The following SDCCAG8 variants were observed in gnomAD, a reference collection of about 807,000 sequenced individuals.
SDCCAG8 encodes the protein serologically defined colon cancer antigen 8.
Under a neutral mutation model 101.8 loss-of-function variants are expected in SDCCAG8, and 74 were observed. The observed-to-expected ratio is 0.73, with a 90% confidence interval of 0.60 to 0.88. The LOEUF (loss-of-function observed/expected upper bound fraction) is 0.88, where lower values mean the gene tolerates loss of function less well. Among genes scored for constraint, SDCCAG8 ranks in the 40% least tolerant of loss-of-function variants. SDCCAG8 has a pLI of 0.00. For missense variants in SDCCAG8, 787 were observed against 822.6 expected (o/e 0.96, Z 0.53); for synonymous variants, 281 against 292.9 (o/e 0.96, Z 0.41).
chr1:243,435,101 C>T (rs1277282973), intron 16 of SDCCAG8, among the ~76,000 whole-genome samples: 1 of 152,208 alleles, frequency 6.6e-6, no homozygotes, highest in Non-Finnish European at 1.5e-5. Context: ...GACACGTAGA[C>T]AGCCTTGTCC....
Position 243,439,882 on chromosome 1 carries a change from G to A in SDCCAG8, c.1985+13324G>A, listed in dbSNP as rs2082414304. Among the ~76,000 whole-genome samples, 5 of 152,196 alleles carry A rather than the reference G, an allele frequency of 3.3e-5. No homozygotes were observed. The South Asian group carries it at 1.0e-3, about 31-fold the overall frequency. ...CCTCTCAGCGGGGCTTGGACTACAA[G>A]TGACAGTGTTTGTTACATCTAAGTC... On this transcript the variant is annotated intron_variant, in intron 16 of 17. Transcript: ENST00000366541.
chr1:243,283,764 G>T (rs1009836475), intron 4 of SDCCAG8, among the ~76,000 whole-genome samples: 1 of 151,730 alleles, frequency 6.6e-6, no homozygotes, highest in Non-Finnish European at 1.5e-5. Flanking sequence ...ATTTTGAGAC[G>T]GAGTCTCACT....
chr1:243,332,345 T>G (rs543598578), intron 10 of SDCCAG8, among the ~76,000 whole-genome samples: 1 of 152,342 alleles, frequency 6.6e-6, no homozygotes, highest in South Asian at 2.1e-4. Context: ...CATTTATATT[T>G]GAGAAAAATC....
chr1:243,455,990 A>G (rs2083715007), intron 16 of SDCCAG8, among the ~76,000 whole-genome samples: 1 of 152,192 alleles, frequency 6.6e-6, no homozygotes, highest in African/African-American at 2.4e-5. Context: ...GACCGAAGGG[A>G]TGCGTGTTGC....
At chr1:243,443,181 A>T (rs2082659790) in intron 16 of SDCCAG8, among the ~76,000 whole-genome samples, 1 of 152,176 alleles carries the variant, frequency 6.6e-6, no homozygotes, top group African/African-American at 2.4e-5. Context: ...TGCATGTTTG[A>T]TAAGCAGTGT....
chr1:243,281,074 A>G (rs961809386), intron 4 of SDCCAG8, among the ~76,000 whole-genome samples: 7 of 152,150 alleles, frequency 4.6e-5, no homozygotes, highest in Non-Finnish European at 7.3e-5. Context: ...CATATACATT[A>G]AGACTTGTAA....
At chr1:243,353,554 A>G (rs541935473) in intron 12 of SDCCAG8, among the ~76,000 whole-genome samples, 1 of 149,164 alleles carries the variant, frequency 6.7e-6, no homozygotes, top group Non-Finnish European at 1.5e-5. Context: ...AGAAGAAGAA[A>G]TTTATTTGGT....
chr1:243,475,956 C>G (rs1223173119), intron 16 of SDCCAG8: 1 of 985,354 alleles, frequency 1.0e-6, no homozygotes, highest in African/African-American at 1.7e-5. Flanking sequence ...CAGGCTCCAT[C>G]TCGTCTGCTG....
intron 13 of SDCCAG8, among the ~76,000 whole-genome samples, chr1:243,384,004 A>G (rs559957993): frequency 1.1e-3 from 172 of 152,018 alleles, no homozygotes; most frequent in Non-Finnish European, 1.9e-3. Flanking sequence ...AGGCCTCCCC[A>G]TTGATTCTTG....
At chr1:243,434,602 A>G (rs2082015072) in intron 16 of SDCCAG8, among the ~76,000 whole-genome samples, 2 of 152,264 alleles carry the variant, frequency 1.3e-5, no homozygotes, top group Non-Finnish European at 2.9e-5. Flanking sequence ...ATCGAATACT[A>G]GAAATCACAT....
chr1:243,325,754 A>ATT, intron 9 of SDCCAG8, among the ~76,000 whole-genome samples: 1 of 152,228 alleles, frequency 6.6e-6, no homozygotes, highest in Non-Finnish European at 1.5e-5. Context: ...AGTGATAAGA[A>ATT]CCAATTAAAA....
chr1:243,409,392 AT>A (rs1408437509), intron 13 of SDCCAG8, among the ~76,000 whole-genome samples: 1 of 152,176 alleles, frequency 6.6e-6, no homozygotes, highest in African/African-American at 2.4e-5. Context: ...ACAGACAAAT[AT>A]TTATATTTAT....
intron 16 of SDCCAG8, among the ~76,000 whole-genome samples, chr1:243,431,805 C>T (rs1370906212): frequency 6.6e-6 from 1 of 152,146 alleles, no homozygotes; most frequent in Non-Finnish European, 1.5e-5. Flanking sequence ...CTCATCTGGG[C>T]GTTCACTGTC....
chr1:243,320,112 T>C (rs1242355236), intron 9 of SDCCAG8, among the ~76,000 whole-genome samples: 2 of 152,226 alleles, frequency 1.3e-5, no homozygotes, highest in African/African-American at 4.8e-5. Flanking sequence ...ATGGCACTTT[T>C]ACTCACTAAC....
At chr1:243,279,979 ATTTC>A (rs1263530906) in intron 4 of SDCCAG8, among the ~76,000 whole-genome samples, 1 of 152,148 alleles carries the variant, frequency 6.6e-6, no homozygotes, top group Non-Finnish European at 1.5e-5. Flanking sequence ...AATTGGTATA[ATTTC>A]TTTCTTAAAT....
chr1:243,268,275 C>T (rs559578951), intron 1 of SDCCAG8, among the ~76,000 whole-genome samples: 1 of 152,318 alleles, frequency 6.6e-6, no homozygotes, highest in South Asian at 2.1e-4. Context: ...AAATCTAAAG[C>T]TCCATGAACT....
rs1487353197 is a variant in SDCCAG8, at chr1:243,273,268, T to G, written c.307-1275T>G. Among the ~76,000 whole-genome samples the G allele has an allele frequency of 2.0e-5, 3 of 152,246 alleles. No individual in the cohort carries two copies. The South Asian group carries it at 6.2e-4, about 32-fold the overall frequency. ...ATGTCTGCTGTGCTGAGAAAGAGAG[T>G]GGCTGAGAAACAGACACTGTGCCTC... On this transcript the variant is annotated intron_variant, in intron 3 of 17. Transcript: ENST00000366541.
At position 243,344,297 on chromosome 1, in the gene SDCCAG8, C is replaced by T. The variant is rs750599032; in HGVS notation, c.1439C>T (p.Ala480Val). 1.9e-5 allele frequency: 30 copies of T among 1,613,670 alleles called. No homozygotes were observed. Among genetic ancestry groups the T allele is most frequent in the Non-Finnish European group, 2.5e-5 (30 of 1,179,728 alleles). ...GAAAAGGAGCACAGAGAGTTCAGAG[C>T]AAAAACTAACAGGGATCTTGAAATT... ...EAEKEHREFR[A>V]KTNRDLEIKD... The change falls in exon 12 of 18, where the codon GCA (alanine) becomes GTA (valine). Residue 480 changes from alanine (A) to valine (V), a missense_variant. Physicochemically the swap from Ala to Val is moderately conservative, Grantham distance 64. Coordinates refer to ENST00000366541, the MANE Select transcript of SDCCAG8 (RefSeq NM_006642.5).
intron 13 of SDCCAG8, among the ~76,000 whole-genome samples, chr1:243,414,470 TTCACATTTAG>T (rs1306884733): frequency 6.6e-6 from 1 of 152,144 alleles, no homozygotes; most frequent in Non-Finnish European, 1.5e-5. Context: ...AGGACCTTAT[TTCACATTTAG>T]CATGGACCCC....
Sources: gnomAD v4.1 joint callset for allele counts (sites outside exome capture counted in the v4.1 genomes callset) on GRCh38, gnomAD v4.1.1 for gene constraint, MANE v1.5 for transcripts, NCBI Gene and HGNC (gene_info 2026-07-23, HGNC 2026-07-21) for gene names.